FAM120B: variants seen among roughly 807,000 people sequenced by gnomAD.
FAM120B encodes family with sequence similarity 120 member B, also known as constitutive coactivator of peroxisome proliferator-activated receptor gamma.
FAM120B carries 83 observed loss-of-function variants against 96.3 expected under a neutral mutation model. The observed-to-expected ratio is 0.86, with a 90% CI of 0.72 to 1.03. The LOEUF is 1.03. Ranked by LOEUF, FAM120B falls within the 50% of genes least tolerant of loss-of-function variation. The probability of loss-of-function intolerance (pLI) is 0.00; values close to 1 mark genes in which losing one functional copy is unlikely to be tolerated. For missense variants in FAM120B, 1,027 were observed against 1,121.2 expected (o/e 0.92, Z 1.20); for synonymous variants, 407 against 402.7 (o/e 1.01, Z -0.13).
chr6:170,348,205 T>C lies in FAM120B; in HGVS notation c.2072T>C (p.Val691Ala). 1 of 1,614,168 alleles carries C rather than the reference T, an allele frequency of 6.2e-7. No homozygotes were observed. Among genetic ancestry groups the C allele is most frequent in the Non-Finnish European group, 8.5e-7 (1 of 1,180,006 alleles). Residue 691 changes from valine (V) to alanine (A), a missense_variant, in exon 5 of 11, where the codon GTT becomes GCT. By Grantham distance (64) the Val-to-Ala change is moderately conservative (BLOSUM62 0). Coordinates refer to ENST00000476287, the MANE Select transcript of FAM120B (RefSeq NM_032448.3). ...CTGAACCAAGAGCCAGAAATACAGG[T>C]TCGGCGCTTGGACACACTCCTAGCC... ...LWLNQEPEIQ[V>A]RRLDTLLACF...
upstream of FAM120B, among the ~76,000 whole-genome samples, chr6:170,293,306 G>A (rs1783926676): frequency 6.6e-6 from 1 of 151,940 alleles, no homozygotes; most frequent in African/African-American, 2.4e-5. Context: ...AGTAAGAAAT[G>A]AAATATCAGG....
intron 7 of FAM120B, among the ~76,000 whole-genome samples, chr6:170,389,046 A>G (rs1003305089): frequency 1.3e-5 from 2 of 152,260 alleles, no homozygotes; most frequent in East Asian, 3.9e-4. Flanking sequence ...TCATCCTCAC[A>G]TTGAGTGGGC....
chr6:170,356,111 C>T (rs769171595), intron 5 of FAM120B, among the ~76,000 whole-genome samples: 147 of 152,092 alleles, frequency 9.7e-4, no homozygotes, highest in Non-Finnish European at 1.7e-3. Context: ...GCAGAAAAAG[C>T]CCAGGACCCC....
At chr6:170,300,831 C>G (rs1457097596) in intron 1 of FAM120B, among the ~76,000 whole-genome samples, 1 of 152,232 alleles carries the variant, frequency 6.6e-6, no homozygotes, top group Non-Finnish European at 1.5e-5. Context: ...CCATGTCACA[C>G]TGATGCGAGA....
chr6:170,398,151 A>G (rs753895782), intron 9 of FAM120B, among the ~76,000 whole-genome samples: 1 of 152,182 alleles, frequency 6.6e-6, no homozygotes, highest in Non-Finnish European at 1.5e-5. Context: ...CAGGCCTCCC[A>G]CTGATGGGAC....
At chr6:170,313,872 C>T (rs9460111) in intron 1 of FAM120B, among the ~76,000 whole-genome samples, 163 of 152,316 alleles carry the variant, frequency 1.1e-3, no homozygotes, top group African/African-American at 3.6e-3. Flanking sequence ...TTGGTTGTCC[C>T]GCAGAGGCTG....
Position 170,324,526 on chromosome 6 carries a change from A to G in FAM120B, c.1915+1267A>G, listed in dbSNP as rs1785477176. Reference sequence around the variant, plus strand: ...TGCACATTGACTCTAATGATGGAAAAAAGAGATCTTCCTCATGAAAACATT... The same window carrying G: ...TGCACATTGACTCTAATGATGGAAAGAAGAGATCTTCCTCATGAAAACATT... On this transcript the variant is annotated intron_variant, in intron 3 of 10. Transcript: ENST00000476287. Among the ~76,000 whole-genome samples, 3 of 152,242 alleles carry G rather than the reference A, an allele frequency of 2.0e-5. No individual in the cohort carries two copies. In the South Asian group the frequency reaches 6.2e-4, roughly 31 times the overall value.
intron 3 of FAM120B, among the ~76,000 whole-genome samples, chr6:170,329,853 C>T (rs1785888268): frequency 6.6e-6 from 1 of 152,212 alleles, no homozygotes; most frequent in African/African-American, 2.4e-5. Context: ...TCCCCCAGCC[C>T]TGGACCAAGC....
chr6:170,385,896 GATTCCAGCT>G (rs1476295988), intron 6 of FAM120B, among the ~76,000 whole-genome samples: 1 of 152,170 alleles, frequency 6.6e-6, no homozygotes, highest in East Asian at 1.9e-4. Context: ...CCTACTGTCT[GATTCCAGCT>G]ATAGGAAGAC....
chr6:170,325,286 T>C lies in FAM120B; in HGVS notation c.1915+2027T>C, dbSNP rs976557084. On this transcript the variant is annotated intron_variant, in intron 3 of 10. Transcript: ENST00000476287. Reference sequence around the variant, plus strand: ...GCATGGTATGGTATTTTTTCTATCCTTTTAAACTATTTCTTAACATCTAAA... The same window carrying C: ...GCATGGTATGGTATTTTTTCTATCCCTTTAAACTATTTCTTAACATCTAAA... Among the ~76,000 whole-genome samples, 17 of 152,200 alleles carry C rather than the reference T, an allele frequency of 1.1e-4. 1 individual carries two copies. The highest frequency in any genetic ancestry group is 3.9e-4 in the Admixed American group (6 of 15,272).
upstream of FAM120B, among the ~76,000 whole-genome samples, chr6:170,306,148 T>C (rs73249806): frequency 1.3e-5 from 2 of 152,240 alleles, no homozygotes; most frequent in African/African-American, 2.4e-5. Context: ...AGAGCAACAA[T>C]GGTGACGGTC....
chr6:170,369,099 A>T (rs1218031887), intron 6 of FAM120B, among the ~76,000 whole-genome samples: 1 of 152,264 alleles, frequency 6.6e-6, no homozygotes. Flanking sequence ...TAAACACAGA[A>T]GATGACTGAT....
intron 3 of FAM120B, among the ~76,000 whole-genome samples, chr6:170,326,931 G>A (rs1038288960): frequency 6.6e-6 from 1 of 152,098 alleles, no homozygotes; most frequent in South Asian, 2.1e-4. Context: ...TTTTTGAAGA[G>A]ATAGGATCTC....
intron 8 of FAM120B, among the ~76,000 whole-genome samples, chr6:170,392,256 G>A (rs1790518102): frequency 6.6e-6 from 1 of 152,122 alleles, no homozygotes; most frequent in African/African-American, 2.4e-5. Flanking sequence ...TGCCCAGGCT[G>A]GAGTGCAGTG....
chr6:170,399,577 G>A (rs1778423658), intron 9 of FAM120B, among the ~76,000 whole-genome samples: 2 of 150,878 alleles, frequency 1.3e-5, no homozygotes, highest in Non-Finnish European at 2.9e-5. Context: ...GTAGAACTAT[G>A]TCATAACCCT....
chr6:170,376,828 G>A (rs1789552419), intron 6 of FAM120B, among the ~76,000 whole-genome samples: 1 of 152,220 alleles, frequency 6.6e-6, no homozygotes, highest in Non-Finnish European at 1.5e-5. Flanking sequence ...TGAGTGCTTG[G>A]CACAGGGGTT....
rs76853333 is a variant in FAM120B, at chr6:170,368,289, T to C, written c.2283+9971T>C. ...GAGTTCCACCATGCACTCCCTTTAC[T>C]TCCTGTCTTCTCACCAGACAGTGAG... On this transcript the variant is annotated intron_variant, in intron 6 of 10. Transcript: ENST00000476287. Among the ~76,000 whole-genome samples the C allele has an allele frequency of 8.8e-3, 1,342 of 152,336 alleles. 65 individuals carry two copies. In the East Asian group the frequency reaches 0.1, roughly 12 times the overall value.
intron 2 of FAM120B, among the ~76,000 whole-genome samples, chr6:170,322,133 C>T (rs1785330730): frequency 6.6e-6 from 1 of 152,200 alleles, no homozygotes; most frequent in Non-Finnish European, 1.5e-5. Context: ...TAATTTAAAT[C>T]ATGTATCTCA....
intron 9 of FAM120B, among the ~76,000 whole-genome samples, chr6:170,396,856 A>G (rs1562598947): frequency 6.6e-6 from 1 of 152,210 alleles, no homozygotes; most frequent in African/African-American, 2.4e-5. Context: ...CCCAAAAACA[A>G]TGGGAGGGGT....
Sources: gnomAD v4.1 joint callset for allele counts (sites outside exome capture counted in the v4.1 genomes callset) on GRCh38, gnomAD v4.1.1 for gene constraint, MANE v1.5 for transcripts, NCBI Gene and HGNC (gene_info 2026-07-23, HGNC 2026-07-21) for gene names.